Variants in TLCD4 observed in about 807,000 individuals in gnomAD.
TLCD4 encodes TLC domain containing 4, also known as TLC domain-containing protein 4.
Under a neutral mutation model 24.2 loss-of-function variants are expected in TLCD4, and 7 were observed. That is an observed-to-expected ratio of 0.29 (90% CI 0.16 to 0.54). The LOEUF is 0.54. TLCD4 is among the 20% of genes least tolerant of loss of function. TLCD4 has a pLI of 0.95. For synonymous variants in TLCD4, 103 were observed against 106.4 expected, an observed-to-expected ratio of 0.97 and a Z score of 0.20; for missense variants, 259 against 313.9, an observed-to-expected ratio of 0.82 and a Z score of 1.32.
At chr1:95,158,516 T>C (rs1219883340) in intron 5 of TLCD4, among the ~76,000 whole-genome samples, 2 of 151,896 alleles carry the variant, frequency 1.3e-5, no homozygotes, top group Admixed American at 6.6e-5. Flanking sequence ...TATTTATTTA[T>C]TTTTTATTAT....
intron 1 of TLCD4, among the ~76,000 whole-genome samples, chr1:95,135,558 C>G (rs372849207): frequency 3.0e-4 from 45 of 151,782 alleles, no homozygotes; most frequent in Non-Finnish European, 2.4e-4. Context: ...CCACCACGCC[C>G]GGCTAATTTT....
chr1:95,146,179 G>GA (rs915465824), intron 2 of TLCD4, among the ~76,000 whole-genome samples: 8 of 151,702 alleles, frequency 5.3e-5, no homozygotes, highest in Admixed American at 3.3e-4. Context: ...AAATGGAGGA[G>GA]AAAAAATCAC....
intron 6 of TLCD4, among the ~76,000 whole-genome samples, chr1:95,174,626 G>T (rs1199510775): frequency 1.3e-5 from 2 of 152,058 alleles, no homozygotes; most frequent in Non-Finnish European, 2.9e-5. Flanking sequence ...AGTTTAAGCA[G>T]TGTGTCCAGT....
chr1:95,101,140 C>T, the TLCD4 span, among the ~76,000 whole-genome samples: 3 of 152,090 alleles, frequency 2.0e-5, no homozygotes, highest in Admixed American at 6.6e-5. Context: ...AACTTCTGAC[C>T]TCGTGATCCA....
chr1:95,136,544 C>T (rs2100924711), intron 1 of TLCD4, among the ~76,000 whole-genome samples: 1 of 152,120 alleles, frequency 6.6e-6, no homozygotes, highest in Non-Finnish European at 1.5e-5. Flanking sequence ...TAAAACAGGA[C>T]CAAAAAAGAG....
upstream of TLCD4, among the ~76,000 whole-genome samples, chr1:95,113,213 TC>T (rs1181722668): frequency 6.6e-6 from 1 of 150,916 alleles, no homozygotes; most frequent in African/African-American, 2.4e-5. Flanking sequence ...CAGCTACTTT[TC>T]GTATTTTTAG....
the TLCD4 span, among the ~76,000 whole-genome samples, chr1:95,100,204 T>C: frequency 2.6e-5 from 4 of 152,046 alleles, no homozygotes; most frequent in Admixed American, 6.5e-5. Flanking sequence ...AATAACAGGC[T>C]CAGAGAAGTT....
Position 95,195,345 on chromosome 1 carries a change from T to C in TLCD4, c.*3477T>C, listed in dbSNP as rs1679161248. ...TGTACATGTTTCCTCTGTGTCGTTT[T>C]TAAGGGAAATAAACATGTTCCAAAA... is the stretch of plus-strand genomic sequence containing the variant. On this transcript the variant is annotated 3_prime_UTR_variant, in exon 7 of 7. Coordinates refer to ENST00000370203, the MANE Select transcript of TLCD4 (RefSeq NM_152487.3). 2 of 152,172 alleles carry C rather than the reference T, an allele frequency of 1.3e-5. No individual in the cohort carries two copies. Among genetic ancestry groups the C allele is most frequent in the Non-Finnish European group, 2.9e-5 (2 of 68,018 alleles). 9.4% of individuals were successfully genotyped at this position (152,172 alleles called of 1,614,324 possible). A position where few individuals can be genotyped will look rare whatever the true frequency, so the allele number is the denominator to read the frequency against.
At chr1:95,153,255 A>G (rs1311333723) in intron 5 of TLCD4, among the ~76,000 whole-genome samples, 3 of 152,146 alleles carry the variant, frequency 2.0e-5, no homozygotes, top group South Asian at 2.1e-4. Flanking sequence ...AATGTACTTA[A>G]TGCCACTGAA....
chr1:95,130,221 C>T lies in TLCD4; in HGVS notation c.-12+12604C>T, dbSNP rs367969939. On this transcript the variant is annotated intron_variant, in intron 1 of 6. Transcript: ENST00000370203. The stretch of plus-strand genomic sequence containing the variant: ...AGGCTGGAGTTCAGTGGTGCGATCT[C>T]GGCTCACTGCAGCCTCCGCCTCCCA... Among the ~76,000 whole-genome samples, 220 of 135,516 alleles carry T rather than the reference C, an allele frequency of 1.6e-3. 1 individual carries two copies. The highest frequency in any genetic ancestry group is 5.4e-3 in the African/African-American group (214 of 39,892). 88.9% of individuals were successfully genotyped at this position (135,516 alleles called of 152,430 possible).
At chr1:95,139,454 G>GTTTTTTTTTTT (rs1557681913) in intron 1 of TLCD4, among the ~76,000 whole-genome samples, 15 of 57,454 alleles carry the variant, frequency 2.6e-4, no homozygotes, top group Admixed American at 5.6e-4. Flanking sequence ...TTAAACCTTT[G>GTTTTTTTTTTT]ATTTTTTTTT....
rs1679232053 is a variant in TLCD4, at chr1:95,197,255, C to A, written c.*5387C>A. 1 of 152,062 alleles carries A rather than the reference C, an allele frequency of 6.6e-6. No homozygotes were observed. 9.4% of individuals were successfully genotyped at this position (152,062 alleles called of 1,614,324 possible). A position where few individuals can be genotyped will look rare whatever the true frequency, so the allele number is the denominator to read the frequency against. ...TAGGACTTATCAGTACTTAAAATAG[C>A]AACTTGGCATTCTTTATTTTGTTTC... On this transcript the variant is annotated 3_prime_UTR_variant, in exon 7 of 7. Transcript: ENST00000370203.
chr1:95,118,559 G>A (rs1419912025), intron 1 of TLCD4, among the ~76,000 whole-genome samples: 2 of 152,182 alleles, frequency 1.3e-5, no homozygotes, highest in African/African-American at 2.4e-5. Context: ...AGGAATTGAT[G>A]TGTGAAATAG....
intron 6 of TLCD4, among the ~76,000 whole-genome samples, chr1:95,189,033 C>T (rs963412969): frequency 6.6e-6 from 1 of 152,122 alleles, no homozygotes; most frequent in Non-Finnish European, 1.5e-5. Context: ...TAAAATAGTT[C>T]ACTGTTTCCA....
chr1:95,185,815 G>A (rs1678812829), intron 6 of TLCD4, among the ~76,000 whole-genome samples: 1 of 152,190 alleles, frequency 6.6e-6, no homozygotes, highest in Non-Finnish European at 1.5e-5. Flanking sequence ...AGGTGTTTGG[G>A]CAAGTCAGAA....
At chr1:95,154,212 A>G (rs139733324) in intron 5 of TLCD4, among the ~76,000 whole-genome samples, 6 of 152,280 alleles carry the variant, frequency 3.9e-5, no homozygotes, top group Non-Finnish European at 8.8e-5. Context: ...GGAATTAACA[A>G]TAAGCTAAGT....
chr1:95,120,571 A>G (rs1292109435), intron 1 of TLCD4, among the ~76,000 whole-genome samples: 1 of 152,226 alleles, frequency 6.6e-6, no homozygotes, highest in African/African-American at 2.4e-5. Flanking sequence ...TAAAAGGCCA[A>G]AGCTTTTGAA....
the TLCD4 span, among the ~76,000 whole-genome samples, chr1:95,098,103 A>G: frequency 1.3e-5 from 2 of 152,134 alleles, no homozygotes; most frequent in South Asian, 2.1e-4. Context: ...ATATAGCACA[A>G]TGATCTGTGT....
rs537611008 is a variant in TLCD4, at chr1:95,194,917, C to T, written c.*3049C>T. 3.9e-5 allele frequency: 6 copies of T among 152,014 alleles called. No homozygotes were observed. In the East Asian group the frequency reaches 1.2e-3, roughly 29 times the overall value. The allele number at this position is 152,014 out of a possible 1,614,324, so 9.4% of individuals were successfully genotyped here. Reference sequence around the variant, plus strand: ...CTTCTGCTCAAATATGTGTTGATACCCTACAGTAAATTGAATTAAATTTTT... The same window carrying T: ...CTTCTGCTCAAATATGTGTTGATACTCTACAGTAAATTGAATTAAATTTTT... On this transcript the variant is annotated 3_prime_UTR_variant, in exon 7 of 7. Coordinates refer to ENST00000370203, the MANE Select transcript of TLCD4 (RefSeq NM_152487.3).
Sources: allele counts gnomAD v4.1 joint callset (sites outside exome capture counted in the v4.1 genomes callset), GRCh38; gene constraint gnomAD v4.1.1; transcripts MANE v1.5; gene names NCBI Gene and HGNC (gene_info 2026-07-23, HGNC 2026-07-21).